The following LATS2 variants were observed in gnomAD, a reference collection of about 807,000 sequenced individuals.
LATS2 encodes serine/threonine-protein kinase LATS2.
Under a neutral mutation model 76.0 loss-of-function variants are expected in LATS2, and 24 were observed. That is an observed-to-expected ratio of 0.32 (90% CI 0.23 to 0.44). The LOEUF (loss-of-function observed/expected upper bound fraction) is 0.44. LATS2 is among the 20% of genes least tolerant of loss of function. The pLI is 1.00. For missense variants in LATS2, 1,286 were observed against 1,481.2 expected (o/e 0.87, Z 2.16); for synonymous variants, 692 against 635.4 (o/e 1.09, Z -1.34).
intron 7 of LATS2, among the ~76,000 whole-genome samples, chr13:20,977,141 A>T (rs137910737): frequency 5.3e-5 from 8 of 152,242 alleles, no homozygotes; most frequent in African/African-American, 1.9e-4. Context: ...CACACCTATA[A>T]TCCCAACATT....
In LATS2 at chr13:20,983,349, C is replaced by T. The variant is rs776378570; in HGVS notation, c.2357G>A (p.Gly786Asp). Reference protein sequence around the residue: ...TLAIESVHKMGFIHRDIKPDN... With the variant: ...TLAIESVHKMDFIHRDIKPDN... ...AGGCTTGATGTCTCGGTGGATGAAG[C>T]CCATCTTGTGGACACTCTCAATGGC... The change falls in exon 5 of 8, where the codon GGC (glycine) becomes GAC (aspartate). Residue 786 changes from glycine (G) to aspartate (D), a missense_variant. Around this residue, in one of 5 missense-constraint regions of LATS2, gnomAD observed 247 missense variants for 385.4 expected, o/e 0.64. Coordinates refer to ENST00000382592, the MANE Select transcript of LATS2 (RefSeq NM_014572.3). The T allele has an allele frequency of 6.2e-7, 1 of 1,610,734 alleles. No individual in the cohort carries two copies. The highest frequency in any genetic ancestry group is 8.5e-7 in the Non-Finnish European group (1 of 1,178,598).
intron 2 of LATS2, among the ~76,000 whole-genome samples, chr13:21,030,837 C>CTGTA (rs1872508433): frequency 6.6e-6 from 1 of 151,972 alleles, no homozygotes; most frequent in African/African-American, 2.4e-5. Flanking sequence ...TCATTCCTTC[C>CTGTA]TGTATATCCT....
intron 2 of LATS2, among the ~76,000 whole-genome samples, chr13:21,041,459 C>T (rs1157952752): frequency 6.6e-6 from 1 of 152,094 alleles, no homozygotes; most frequent in African/African-American, 2.4e-5. Context: ...TAACCTCATT[C>T]CATTAAAGTT....
intron 2 of LATS2, among the ~76,000 whole-genome samples, chr13:21,035,802 G>C (rs971126264): frequency 6.6e-6 from 1 of 152,230 alleles, no homozygotes; most frequent in African/African-American, 2.4e-5. Flanking sequence ...ACCACAGCAC[G>C]CAAGTAGCCA....
chr13:21,019,928 C>T (rs1204118220), intron 2 of LATS2, among the ~76,000 whole-genome samples: 4 of 148,978 alleles, frequency 2.7e-5, no homozygotes, highest in Non-Finnish European at 4.4e-5. Context: ...GAGCTGAGAT[C>T]GTGCCACTGC....
At chr13:20,999,095 A>G (rs923362475) in intron 2 of LATS2, among the ~76,000 whole-genome samples, 8 of 152,396 alleles carry the variant, frequency 5.2e-5, no homozygotes, top group Admixed American at 3.3e-4. Flanking sequence ...GGGCAGGCGC[A>G]GCACGTGCCG....
At chr13:21,039,776 G>A (rs991331330) in intron 2 of LATS2, among the ~76,000 whole-genome samples, 4 of 152,160 alleles carry the variant, frequency 2.6e-5, no homozygotes, top group African/African-American at 9.7e-5. Flanking sequence ...CTTGGGGTTA[G>A]AAATAAATTT....
chr13:21,046,058 A>T lies in LATS2; in HGVS notation c.-32T>A, dbSNP rs779509504. 2.8e-6 allele frequency: 4 copies of T among 1,443,388 alleles called. No homozygotes were observed. The South Asian group carries it at 4.8e-5, about 17-fold the overall frequency. 89.4% of individuals were successfully genotyped at this position (1,443,388 alleles called of 1,614,324 possible). A position where few individuals can be genotyped will look rare whatever the true frequency, so the allele number is the denominator to read the frequency against. On this transcript the variant is annotated 5_prime_UTR_variant, in exon 2 of 8. Transcript: ENST00000382592. ...TCCAGTTTCCTTTTACCATAAATAC[A>T]ATCTTCTTAAAGTGTTTTATTATTT...
rs1871056641 is a variant in LATS2, at chr13:21,001,896, A to G, written c.343-10492T>C. Among the ~76,000 whole-genome samples, 3 of 151,534 alleles carry G rather than the reference A, an allele frequency of 2.0e-5. No individual in the cohort carries two copies. The South Asian group carries it at 6.3e-4, about 32-fold the overall frequency. On this transcript the variant is annotated intron_variant, in intron 2 of 7. Coordinates refer to ENST00000382592, the MANE Select transcript of LATS2 (RefSeq NM_014572.3). Reference sequence around the variant, plus strand: ...TCCGTCTCAAAAAAATAGTAATAATAAAATAATAACAAATTTTAAAAATCC... The same window carrying G: ...TCCGTCTCAAAAAAATAGTAATAATGAAATAATAACAAATTTTAAAAATCC...
chr13:20,981,352 G>A, intron 6 of LATS2, 114 bp downstream of exon 6: 2 of 967,206 alleles, frequency 2.1e-6, no homozygotes, highest in Non-Finnish European at 3.0e-6. Context: ...CTTCTATGAG[G>A]ACAAAAATAT....
intron 2 of LATS2, among the ~76,000 whole-genome samples, chr13:21,007,250 A>C (rs1014800683): frequency 2.0e-5 from 3 of 151,650 alleles, no homozygotes; most frequent in Non-Finnish European, 4.4e-5. Flanking sequence ...TTTTCCAACA[A>C]TGCTTTAAAA....
intron 7 of LATS2, among the ~76,000 whole-genome samples, chr13:20,978,528 G>A (rs1035304205): frequency 9.9e-5 from 15 of 152,084 alleles, no homozygotes; most frequent in East Asian, 3.9e-4. Context: ...GACAGTTTGC[G>A]AACAATGATA....
At chr13:21,013,197 G>A (rs549317024) in intron 2 of LATS2, among the ~76,000 whole-genome samples, 1 of 152,136 alleles carries the variant, frequency 6.6e-6, no homozygotes, top group Non-Finnish European at 1.5e-5. Context: ...AGGTGAGTTA[G>A]GCCCATCCGC....
chr13:21,039,579 A>G (rs1872795452), intron 2 of LATS2, among the ~76,000 whole-genome samples: 1 of 152,184 alleles, frequency 6.6e-6, no homozygotes, highest in South Asian at 2.1e-4. Context: ...TTTTGGCTGG[A>G]CTAGTACACA....
Position 20,988,539 on chromosome 13 carries a change from G to A in LATS2, c.1241C>T (p.Pro414Leu), listed in dbSNP as rs754388230. 78 of 1,576,740 alleles carry A rather than the reference G, an allele frequency of 4.9e-5. No individual in the cohort carries two copies. In the Admixed American group the frequency reaches 1.3e-3, roughly 26 times the overall value. ...SRTNSFNSHQ[P>L]RPGPPGKAEP... The stretch of plus-strand genomic sequence containing the variant: ...GGCCTTGCCAGGCGGACCGGGCCGC[G>A]GCTGGTGGCTGTTGAAGGAGTTGGT... Residue 414 changes from proline to leucine, a missense_variant, in exon 4 of 8, where the codon CCG becomes CTG. Transcript: ENST00000382592.
chr13:21,036,405 TGAGAGCTTTCTAGTACTTAAAAGTG>T (rs1872684277), intron 2 of LATS2, among the ~76,000 whole-genome samples: 1 of 152,128 alleles, frequency 6.6e-6, no homozygotes, highest in South Asian at 2.1e-4. Flanking sequence ...ACCGCCAAAA[TGAGAGCTTTCTAGTACTTAAAAGTG>T]GAGAACTATT....
intron 4 of LATS2, 133 bp from the exon 5 acceptor site, chr13:20,983,939 G>A (rs1870026616): frequency 1.5e-5 from 10 of 686,740 alleles, no homozygotes; most frequent in Middle Eastern, 3.2e-4. Flanking sequence ...GAGAAGAATG[G>A]GTCTCATATA....
intron 2 of LATS2, among the ~76,000 whole-genome samples, chr13:21,020,892 G>T (rs1418180390): frequency 6.6e-6 from 1 of 152,116 alleles, no homozygotes; most frequent in Non-Finnish European, 1.5e-5. Flanking sequence ...CGCCAGACTG[G>T]ACCAAGGACA....
At position 20,973,942 on chromosome 13, in the gene LATS2, TA is replaced by T; in HGVS notation, c.*927del. On this transcript the variant is annotated 3_prime_UTR_variant, in exon 8 of 8. Transcript: ENST00000382592. The stretch of plus-strand genomic sequence containing the variant: ...CTGTATTAATCCCTTTTGATGTATA[TA>T]AGTTCAGTATATGACAAATGTTTCA... 4.6e-6 allele frequency: 1 copy of T among 215,448 alleles called. No homozygotes were observed. Among genetic ancestry groups the T allele is most frequent in the Non-Finnish European group, 9.2e-6 (1 of 108,488 alleles). 13.3% of individuals were successfully genotyped at this position (215,448 alleles called of 1,614,324 possible).
Sources: allele counts gnomAD v4.1 joint callset (sites outside exome capture counted in the v4.1 genomes callset), GRCh38; gene constraint gnomAD v4.1.1; regional missense constraint gnomAD v4.1.1; transcripts MANE v1.5; gene names NCBI Gene and HGNC (gene_info 2026-07-23, HGNC 2026-07-21).